PCNX2: variants seen among roughly 807,000 people sequenced by gnomAD.
PCNX2 encodes pecanex-like protein 2.
PCNX2 carries 168 observed loss-of-function variants against 223.8 expected under a neutral mutation model. That is an observed-to-expected ratio of 0.75 (90% CI 0.66 to 0.85). PCNX2 has a LOEUF of 0.85. PCNX2 is among the 40% of genes least tolerant of loss of function. The pLI is 0.00. For synonymous variants in PCNX2, 1,006 were observed against 1,052.6 expected, an observed-to-expected ratio of 0.96 and a Z score of 0.86; for missense variants, 2,507 against 2,675.5, an observed-to-expected ratio of 0.94 and a Z score of 1.39.
Position 233,236,969 on chromosome 1 carries a change from A to G in PCNX2, c.2234T>C (p.Val745Ala). 5.0e-6 allele frequency: 8 copies of G among 1,613,938 alleles called. No individual in the cohort carries two copies. Among genetic ancestry groups the G allele is most frequent in the Non-Finnish European group, 6.8e-6 (8 of 1,179,858 alleles). Reference sequence around the variant, plus strand: ...AGAAGTTGTGGTACTGGAGGAGCTGACCTGCATCTCTCTGAGGATGGGCAA... The same window carrying G: ...AGAAGTTGTGGTACTGGAGGAGCTGGCCTGCATCTCTCTGAGGATGGGCAA... Reference protein sequence around the residue: ...DCLSQAREMQVSSSSTTTSES... With the variant: ...DCLSQAREMQASSSSTTTSES... The change falls in exon 9 of 34, where the codon GTC (valine) becomes GCC (alanine). Residue 745 changes from valine (V) to alanine (A), a missense_variant. Physicochemically the swap from Val to Ala is moderately conservative, Grantham distance 64. Transcript: ENST00000258229.
chr1:233,178,043 T>C (rs1012144752), intron 16 of PCNX2, 145 bp from the exon 17 acceptor site: 2 of 644,062 alleles, frequency 3.1e-6, no homozygotes, highest in African/African-American at 1.8e-5. Context: ...AAGAGGTGCA[T>C]GTTCAAGTGA....
At chr1:233,301,021 G>A in the PCNX2 span, among the ~76,000 whole-genome samples, 1 of 152,132 alleles carries the variant, frequency 6.6e-6, no homozygotes, top group East Asian at 1.9e-4. Flanking sequence ...AAGCAAGTAG[G>A]AGAAGTCATA....
chr1:233,259,774 C>G, intron 4 of PCNX2: 2 of 745,536 alleles, frequency 2.7e-6, no homozygotes, highest in Non-Finnish European at 3.3e-6. Context: ...CATCCATGAC[C>G]CTGCAAAGAA....
In PCNX2 at chr1:233,259,339, T is replaced by A; in HGVS notation, c.523A>T (p.Ile175Phe). The change falls in exon 5 of 34, where the codon ATT (isoleucine) becomes TTT (phenylalanine). Residue 175 changes from isoleucine (I) to phenylalanine (F), a missense_variant. Ile to Phe is a conservative substitution (Grantham distance 21). Transcript: ENST00000258229. ...GCTATGGGATGGTCTTCTAATAGAA[T>A]GACACCTGAAATGACACATGGCAAC... ...QETVEDLKGV[I>F]LLEDHPIAPV... The A allele has an allele frequency of 6.2e-7, 1 of 1,608,204 alleles. No individual in the cohort carries two copies. Among genetic ancestry groups the A allele is most frequent in the Non-Finnish European group, 8.5e-7 (1 of 1,176,426 alleles).
At chr1:233,238,804 G>A (rs1214238585) in intron 8 of PCNX2, among the ~76,000 whole-genome samples, 1 of 151,988 alleles carries the variant, frequency 6.6e-6, no homozygotes, top group Non-Finnish European at 1.5e-5. Context: ...ACATGATGAA[G>A]TCAGGGTTTA....
chr1:233,304,530 G>C, the PCNX2 span, among the ~76,000 whole-genome samples: 1 of 152,044 alleles, frequency 6.6e-6, no homozygotes, highest in Admixed American at 6.5e-5. Context: ...ACATCTTTTG[G>C]CTCTTTTAAG....
chr1:233,273,306 G>T (rs1660742263), intron 1 of PCNX2, among the ~76,000 whole-genome samples: 1 of 151,888 alleles, frequency 6.6e-6, no homozygotes, highest in South Asian at 2.1e-4. Context: ...CAAACAAGCA[G>T]AAGCTGCAGT....
In PCNX2 at chr1:233,057,816, C is replaced by T. The variant is rs150544267; in HGVS notation, c.4077-526G>A. 5.5e-3 allele frequency: 5,212 copies of T among 943,002 alleles called. 19 individuals carry two copies. The highest frequency in any genetic ancestry group is 6.2e-3 in the Non-Finnish European group (4,924 of 792,588). The allele number at this position is 943,002 out of a possible 1,614,324, so 58.4% of individuals were successfully genotyped here. ...CCGAGGTCGCAGTGAGCCGAGATTG[C>T]ACCACTGCACTCCAACCTGGGTGAC... is the stretch of plus-strand genomic sequence containing the variant. On this transcript the variant is annotated intron_variant, in intron 23 of 33. Coordinates refer to ENST00000258229, the MANE Select transcript of PCNX2 (RefSeq NM_014801.4).
intron 21 of PCNX2, among the ~76,000 whole-genome samples, chr1:233,113,131 T>C (rs994775534): frequency 3.3e-5 from 5 of 152,232 alleles, no homozygotes; most frequent in African/African-American, 4.8e-5. Context: ...TGACATCAGC[T>C]TGTCATCACC....
intron 10 of PCNX2, among the ~76,000 whole-genome samples, chr1:233,224,128 G>A (rs1438460514): frequency 3.3e-5 from 5 of 152,172 alleles, no homozygotes; most frequent in African/African-American, 9.7e-5. Context: ...AGGTGCTTTG[G>A]TTCATATTTG....
intron 15 of PCNX2, among the ~76,000 whole-genome samples, chr1:233,189,371 A>T (rs1403693727): frequency 6.6e-6 from 1 of 152,230 alleles, no homozygotes; most frequent in Non-Finnish European, 1.5e-5. Flanking sequence ...TCTTTCAACA[A>T]GACAAATATA....
chr1:233,015,992 T>A (rs369744232), intron 27 of PCNX2, among the ~76,000 whole-genome samples: 21 of 152,110 alleles, frequency 1.4e-4, no homozygotes, highest in African/African-American at 5.1e-4. Flanking sequence ...CCATGAACCA[T>A]CTGAGGAATG....
chr1:233,191,587 A>C (rs143476545), intron 15 of PCNX2, among the ~76,000 whole-genome samples: 1 of 152,270 alleles, frequency 6.6e-6, no homozygotes, highest in East Asian at 1.9e-4. Flanking sequence ...CAAGTCATAG[A>C]CCCTGAGGAA....
intron 21 of PCNX2, among the ~76,000 whole-genome samples, chr1:233,110,220 T>C (rs1389816332): frequency 6.6e-6 from 1 of 151,986 alleles, no homozygotes; most frequent in Non-Finnish European, 1.5e-5. Flanking sequence ...AAGACATATA[T>C]TCAAACTGCT....
At chr1:233,150,090 C>G (rs1442219802) in intron 19 of PCNX2, among the ~76,000 whole-genome samples, 3 of 152,126 alleles carry the variant, frequency 2.0e-5, no homozygotes, top group African/African-American at 7.2e-5. Flanking sequence ...GCAGCCACAG[C>G]CAGCGGGGCC....
At position 233,263,182 on chromosome 1, in the gene PCNX2, A is replaced by C. The variant is rs768505584; in HGVS notation, c.154-19T>G. ...GAAAAGCCTGAAGAAAGGAAAAGACAGAGAAAAATCATTTGCTTTTAAGAT... is the reference window on the plus strand; with the variant it reads ...GAAAAGCCTGAAGAAAGGAAAAGACCGAGAAAAATCATTTGCTTTTAAGAT... On this transcript the variant is annotated intron_variant, in intron 1 of 33. Coordinates refer to ENST00000258229, the MANE Select transcript of PCNX2 (RefSeq NM_014801.4). 2 of 1,542,316 alleles carry C rather than the reference A, an allele frequency of 1.3e-6. No homozygotes were observed. Among genetic ancestry groups the C allele is most frequent in the Admixed American group, 1.9e-5 (1 of 52,792 alleles).
intron 10 of PCNX2, among the ~76,000 whole-genome samples, chr1:233,223,483 T>C (rs771158566): frequency 2.0e-5 from 3 of 152,146 alleles, no homozygotes; most frequent in African/African-American, 4.8e-5. Context: ...CTGGGATACA[T>C]GTGCAGAACG....
chr1:233,114,800 A>C (rs1181854855), intron 21 of PCNX2, among the ~76,000 whole-genome samples: 1 of 152,136 alleles, frequency 6.6e-6, no homozygotes, highest in Non-Finnish European at 1.5e-5. Context: ...AATTTTCATG[A>C]AGTTATACAG....
intron 25 of PCNX2, among the ~76,000 whole-genome samples, chr1:233,051,175 A>G (rs567661337): frequency 4.9e-4 from 74 of 152,232 alleles, no homozygotes; most frequent in Middle Eastern, 3.4e-3. Context: ...TAAACAAAAA[A>G]CACAAAACAC....
Sources: gnomAD v4.1 joint callset for allele counts (sites outside exome capture counted in the v4.1 genomes callset) on GRCh38, gnomAD v4.1.1 for gene constraint, MANE v1.5 for transcripts, NCBI Gene and HGNC (gene_info 2026-07-23, HGNC 2026-07-21) for gene names.